The following PTTG1IP variants were observed in gnomAD, a reference collection of about 807,000 sequenced individuals.
PTTG1IP encodes the protein pituitary tumor-transforming gene 1 protein-interacting protein.
In PTTG1IP, 16 loss-of-function variants were observed where a neutral mutation model predicts 24.4. The observed-to-expected ratio is 0.66, with a 90% CI of 0.44 to 1.00. The LOEUF (loss-of-function observed/expected upper bound fraction) is 1.00. Among genes scored for constraint, PTTG1IP ranks in the 50% least tolerant of loss-of-function variants. The pLI, the probability that PTTG1IP is intolerant of heterozygous loss-of-function variation, is 0.00. For missense variants in PTTG1IP, 241 were observed against 245.8 expected, an observed-to-expected ratio of 0.98 and a Z score of 0.13; for synonymous variants, 89 against 96.8, an observed-to-expected ratio of 0.92 and a Z score of 0.47.
intron 1 of PTTG1IP, 128 bp downstream of exon 1, chr21:44,873,374 G>T: frequency 1.0e-6 from 1 of 958,986 alleles, no homozygotes; most frequent in Non-Finnish European, 1.3e-6. Context: ...TCGGGGCGCT[G>T]CCTGCGACCG....
chr21:44,866,224 A>ACG (rs780799619), intron 1 of PTTG1IP, among the ~76,000 whole-genome samples: 154 of 150,206 alleles, frequency 1.0e-3, no homozygotes, highest in Admixed American at 2.5e-3. Flanking sequence ...ACACACACAC[A>ACG]CACACACAGC....
In PTTG1IP at chr21:44,855,213, A is replaced by AT; in HGVS notation, c.492dup (p.Tyr165IlefsTer5). The AT allele has an allele frequency of 1.9e-6, 3 of 1,610,308 alleles. No homozygotes were observed. Among genetic ancestry groups the AT allele is most frequent in the Non-Finnish European group, 2.5e-6 (3 of 1,176,774 alleles). On this transcript the variant is annotated frameshift_variant, in exon 5 of 6. Transcript: ENST00000330938. LOFTEE classifies it high-confidence loss of function. Reference sequence around the variant, plus strand: ...AGGAGGCGTGACCAGTCCTTACCATATTTTTTTCTGATTTCATCATGTCTT... The same window carrying AT: ...AGGAGGCGTGACCAGTCCTTACCATATTTTTTTTCTGATTTCATCATGTCTT...
chr21:44,854,268 G>A (rs547117785), intron 5 of PTTG1IP, among the ~76,000 whole-genome samples: 2 of 152,264 alleles, frequency 1.3e-5, no homozygotes, highest in East Asian at 1.9e-4. Context: ...CTCAAAACAC[G>A]TGCATTAGTC....
chr21:44,867,641 G>A (rs543118258), intron 1 of PTTG1IP, among the ~76,000 whole-genome samples: 36 of 152,356 alleles, frequency 2.4e-4, no homozygotes, highest in Middle Eastern at 3.4e-3. Flanking sequence ...TGTGACTGAT[G>A]CTCACGTCTG....
At chr21:44,856,050 C>A in intron 4 of PTTG1IP, 143 bp downstream of exon 4, 2 of 1,526,646 alleles carry the variant, frequency 1.3e-6, no homozygotes, top group Non-Finnish European at 1.8e-6. Context: ...CTACCACGAC[C>A]TAGAAGATCC....
At chr21:44,873,296 G>A (rs983322181) in intron 1 of PTTG1IP, among the ~76,000 whole-genome samples, 7 of 152,174 alleles carry the variant, frequency 4.6e-5, no homozygotes, top group Non-Finnish European at 1.0e-4. Context: ...CTCTTCCCCT[G>A]CCCGCGCCCC....
Position 44,851,758 on chromosome 21 carries a change from T to C in PTTG1IP, c.497-131A>G. 6.4e-6 allele frequency: 7 copies of C among 1,100,032 alleles called. No individual in the cohort carries two copies. In the South Asian group the frequency reaches 6.9e-5, roughly 11 times the overall value. 68.1% of individuals were successfully genotyped at this position (1,100,032 alleles called of 1,614,324 possible). On this transcript the variant is annotated intron_variant, in intron 5 of 5. Coordinates refer to ENST00000330938, the MANE Select transcript of PTTG1IP (RefSeq NM_004339.4). ...GCAACAACGGGCATTGTAAGCAGGC[T>C]CTCATACAGTGCTTAACCTTTTTTG...
At position 44,857,350 on chromosome 21, in the gene PTTG1IP, TG is replaced by T. The variant is rs527646046; in HGVS notation, c.278-987del. 1.9e-3 allele frequency among the ~76,000 whole-genome samples: 282 copies of T among 152,268 alleles called. 1 individual carries two copies. The highest frequency in any genetic ancestry group is 5.6e-3 in the South Asian group (27 of 4,826). On this transcript the variant is annotated intron_variant, in intron 3 of 5. Transcript: ENST00000330938. Reference sequence around the variant, plus strand: ...AACTGTTTAACAAATTAACTGGGTGTGGTGCATGCACCTCTGGTCCCAGCGA... The same window carrying T: ...AACTGTTTAACAAATTAACTGGGTGTGTGCATGCACCTCTGGTCCCAGCGA...
Position 44,851,186 on chromosome 21 carries a change from C to G in PTTG1IP, c.*395G>C. 1 of 769,400 alleles carries G rather than the reference C, an allele frequency of 1.3e-6. No homozygotes were observed. Among genetic ancestry groups the G allele is most frequent in the East Asian group, 2.7e-5 (1 of 36,502 alleles). The allele number at this position is 769,400 out of a possible 1,614,324, so 47.7% of individuals were successfully genotyped here. ...CTCATGACAAAAGTCAAACCGACTTCCCTGTGTTGCGTGTGAAGCTTGTTA... is the reference window on the plus strand; with the variant it reads ...CTCATGACAAAAGTCAAACCGACTTGCCTGTGTTGCGTGTGAAGCTTGTTA... On this transcript the variant is annotated 3_prime_UTR_variant, in exon 6 of 6. Transcript: ENST00000330938.
Position 44,861,636 on chromosome 21 carries a change from C to G in PTTG1IP, c.169-365G>C. On this transcript the variant is annotated intron_variant, in intron 2 of 5. Transcript: ENST00000330938. ...TGCCGGTTCTGCCTGGAGCACTCTC[C>G]CCACATCTGTGTGGCTCCCCACTGA... 3 of 698,638 alleles carry G rather than the reference C, an allele frequency of 4.3e-6. No homozygotes were observed. The Admixed American group carries it at 6.1e-5, about 14-fold the overall frequency. 43.3% of individuals were successfully genotyped at this position (698,638 alleles called of 1,614,324 possible).
rs78493213 is a variant in PTTG1IP at position 44,858,566 on chromosome 21, C to T, written c.278-2202G>A. Among the ~76,000 whole-genome samples the T allele has an allele frequency of 3.1e-3, 467 of 152,294 alleles. 2 individuals are homozygous for T. Among genetic ancestry groups the T allele is most frequent in the Non-Finnish European group, 5.5e-3 (375 of 68,024 alleles). Reference sequence around the variant, plus strand: ...CCCATCGCACCCCACCCTCCTGTCACGAAATGGCTGCCTCCCCGAGCCCTG... The same window carrying T: ...CCCATCGCACCCCACCCTCCTGTCATGAAATGGCTGCCTCCCCGAGCCCTG... On this transcript the variant is annotated intron_variant, in intron 3 of 5. Coordinates refer to ENST00000330938, the MANE Select transcript of PTTG1IP (RefSeq NM_004339.4).
intron 3 of PTTG1IP, among the ~76,000 whole-genome samples, chr21:44,858,229 C>T (rs2083463228): frequency 6.6e-6 from 1 of 152,202 alleles, no homozygotes; most frequent in African/African-American, 2.4e-5. Flanking sequence ...CAGGCCATTA[C>T]AATTAAAGCT....
At position 44,856,175 on chromosome 21, in the gene PTTG1IP, G is replaced by A. The variant is rs1356100306; in HGVS notation, c.449+18C>T. On this transcript the variant is annotated intron_variant, in intron 4 of 5. Transcript: ENST00000330938. ...CCCCTCGAAGTAACCTTCCCAGCGG[G>A]CATCACCACCACCTCACCGTTCCTC... The A allele has an allele frequency of 1.2e-6, 2 of 1,613,826 alleles. No individual in the cohort carries two copies. Among genetic ancestry groups the A allele is most frequent in the Non-Finnish European group, 1.7e-6 (2 of 1,179,930 alleles).
intron 3 of PTTG1IP, among the ~76,000 whole-genome samples, chr21:44,858,296 AAAC>A (rs1179107276): frequency 6.6e-6 from 1 of 152,234 alleles, no homozygotes; most frequent in Non-Finnish European, 1.5e-5. Context: ...CTGTAAGAAT[AAAC>A]AAGGACCTGT....
At chr21:44,861,048 C>T (rs531292704) in intron 3 of PTTG1IP, 115 bp downstream of exon 3, 8 of 762,472 alleles carry the variant, frequency 1.0e-5, no homozygotes, top group African/African-American at 3.5e-5. Flanking sequence ...TTGATCCACC[C>T]GCCTCCGCCT....
At position 44,850,539 on chromosome 21, in the gene PTTG1IP, T is replaced by G. The variant is rs1335083488; in HGVS notation, c.*1042A>C. ...AGAAGGAGCACCAGCGCCTGCTGGG[T>G]GGTGTGGGGAGAGCCCTCAGCTGAC... On this transcript the variant is annotated 3_prime_UTR_variant, in exon 6 of 6. Coordinates refer to ENST00000330938, the MANE Select transcript of PTTG1IP (RefSeq NM_004339.4). The G allele has an allele frequency of 6.6e-6, 1 of 152,246 alleles. No individual in the cohort carries two copies. Among genetic ancestry groups the G allele is most frequent in the Non-Finnish European group, 1.5e-5 (1 of 68,078 alleles). 9.4% of individuals were successfully genotyped at this position (152,246 alleles called of 1,614,324 possible). A position where few individuals can be genotyped will look rare whatever the true frequency, so the allele number is the denominator to read the frequency against.
intron 2 of PTTG1IP, among the ~76,000 whole-genome samples, chr21:44,863,007 T>C (rs1212722342): frequency 1.3e-5 from 2 of 151,354 alleles, no homozygotes; most frequent in African/African-American, 4.9e-5. Context: ...TGTGCTGCTT[T>C]TCTGATCGAT....
At chr21:44,866,332 TAACA>T (rs1258863009) in intron 1 of PTTG1IP, among the ~76,000 whole-genome samples, 1 of 70,276 alleles carries the variant, frequency 1.4e-5, no homozygotes, top group Non-Finnish European at 2.3e-5. Flanking sequence ...CCCAATCCCA[TAACA>T]CACACACACA....
intron 3 of PTTG1IP, 117 bp from the exon 4 acceptor site, chr21:44,856,481 C>T (rs2083450661): frequency 8.4e-7 from 1 of 1,184,602 alleles, no homozygotes; most frequent in Non-Finnish European, 1.2e-6. Flanking sequence ...AGGAGGAAAG[C>T]CGCCTCGGCC....
Sources: gnomAD v4.1 joint callset for allele counts (sites outside exome capture counted in the v4.1 genomes callset) on GRCh38, gnomAD v4.1.1 for gene constraint, MANE v1.5 for transcripts, NCBI Gene and HGNC (gene_info 2026-07-23, HGNC 2026-07-21) for gene names.